THSD7B: variants seen among roughly 807,000 people sequenced by gnomAD.
THSD7B encodes thrombospondin type-1 domain-containing protein 7B.
THSD7B carries 138 observed loss-of-function variants against 213.6 expected under a neutral mutation model. The observed-to-expected ratio is 0.65, with a 90% CI of 0.56 to 0.74. The LOEUF (loss-of-function observed/expected upper bound fraction) is 0.74. Ranked by LOEUF, THSD7B falls within the 30% of genes least tolerant of loss-of-function variation. The probability of loss-of-function intolerance (pLI) is 0.00; values close to 1 mark genes in which losing one functional copy is unlikely to be tolerated. For missense variants in THSD7B, 1,931 were observed against 1,991.5 expected (o/e 0.97, Z 0.58); for synonymous variants, 742 against 687.0 (o/e 1.08, Z -1.25).
At position 137,397,231 on chromosome 2, in the gene THSD7B, T is replaced by G. The variant is rs538621696; in HGVS notation, c.2501-8382T>G. On this transcript the variant is annotated intron_variant, in intron 12 of 27. Coordinates refer to ENST00000409968, the MANE Select transcript of THSD7B (RefSeq NM_001316349.2). ...TATGATGTTAGCTGGTGATTTTGCT[T>G]GTTAGTTGATGCAGTTTCTTCCTAG... Among the ~76,000 whole-genome samples, 97 of 152,110 alleles carry G rather than the reference T, an allele frequency of 6.4e-4. 1 individual carries two copies. The East Asian group carries it at 0.017, about 27-fold the overall frequency.
At chr2:137,230,935 C>G in intron 7 of THSD7B, 109 bp from the exon 8 acceptor site, 1 of 1,087,554 alleles carries the variant, frequency 9.2e-7, no homozygotes, top group South Asian at 1.9e-5. Context: ...TTGTGAATGG[C>G]TGAAGAAACT....
At chr2:137,330,752 G>T (rs1181534705) in intron 12 of THSD7B, among the ~76,000 whole-genome samples, 1 of 152,078 alleles carries the variant, frequency 6.6e-6, no homozygotes, top group African/African-American at 2.4e-5. Context: ...AAGATTTATT[G>T]CAAAGAGCGA....
intron 17 of THSD7B, among the ~76,000 whole-genome samples, chr2:137,576,241 G>T (rs1019403206): frequency 6.6e-6 from 1 of 152,026 alleles, no homozygotes; most frequent in African/African-American, 2.4e-5. Flanking sequence ...ATATTGATAG[G>T]ACAAGTGTAT....
chr2:136,915,403 C>T (rs1186984745), intron 2 of THSD7B, among the ~76,000 whole-genome samples: 1 of 152,134 alleles, frequency 6.6e-6, no homozygotes, highest in African/African-American at 2.4e-5. Flanking sequence ...GTGATAGTGG[C>T]AGGCAATATA....
intron 12 of THSD7B, among the ~76,000 whole-genome samples, chr2:137,340,885 A>G (rs1411565896): frequency 3.3e-5 from 5 of 151,626 alleles, no homozygotes. Flanking sequence ...TGCAATGAAC[A>G]TGGGAGTGTG....
intron 17 of THSD7B, among the ~76,000 whole-genome samples, chr2:137,596,483 G>A (rs535920527): frequency 1.3e-5 from 2 of 152,052 alleles, no homozygotes; most frequent in African/African-American, 4.8e-5. Context: ...TATCATCATG[G>A]TTAAGCATAC....
intron 1 of THSD7B, among the ~76,000 whole-genome samples, chr2:136,838,751 C>A (rs1248126380): frequency 6.6e-6 from 1 of 152,176 alleles, no homozygotes; most frequent in Admixed American, 6.5e-5. Context: ...GAGGGTCTGG[C>A]ACTGTACTTG....
At chr2:137,555,393 G>T (rs1199400211) in intron 15 of THSD7B, among the ~76,000 whole-genome samples, 1 of 152,184 alleles carries the variant, frequency 6.6e-6, no homozygotes, top group African/African-American at 2.4e-5. Flanking sequence ...AGCAACATTC[G>T]CTGTTCTGCA....
intron 12 of THSD7B, among the ~76,000 whole-genome samples, chr2:137,283,336 C>G (rs535949001): frequency 6.6e-6 from 1 of 152,136 alleles, no homozygotes; most frequent in East Asian, 1.9e-4. Context: ...GTTATACAAT[C>G]GTGTCATCTG....
Position 137,668,209 on chromosome 2 carries a change from A to G in THSD7B, c.4739+348A>G, listed in dbSNP as rs138131599. ...CAGAGGTTCTGATTTAATTAGTCTT[A>G]GGTGTGGCCAGGTCATCTGGGTGTT... On this transcript the variant is annotated intron_variant, in intron 27 of 27. Coordinates refer to ENST00000409968, the MANE Select transcript of THSD7B (RefSeq NM_001316349.2). 6.3e-3 allele frequency among the ~76,000 whole-genome samples: 962 copies of G among 152,220 alleles called. 10 individuals carry two copies. Among genetic ancestry groups the G allele is most frequent in the African/African-American group, 0.022 (920 of 41,536 alleles).
chr2:136,936,529 A>T (rs531743136), intron 2 of THSD7B, among the ~76,000 whole-genome samples: 14 of 152,320 alleles, frequency 9.2e-5, no homozygotes, highest in Admixed American at 3.3e-4. Flanking sequence ...CACAACCTGG[A>T]TGGGATTGGA....
intron 12 of THSD7B, among the ~76,000 whole-genome samples, chr2:137,329,645 AT>A (rs1684449770): frequency 6.6e-6 from 1 of 152,188 alleles, no homozygotes; most frequent in Non-Finnish European, 1.5e-5. Flanking sequence ...GATTATAGGC[AT>A]GAGCCACTGC....
chr2:137,594,555 G>T (rs1681924947), intron 17 of THSD7B, among the ~76,000 whole-genome samples: 1 of 151,926 alleles, frequency 6.6e-6, no homozygotes. Context: ...TAGACTGTCA[G>T]TTTTATTCCA....
chr2:136,944,533 C>A (rs555980100), intron 2 of THSD7B, among the ~76,000 whole-genome samples: 48 of 152,202 alleles, frequency 3.2e-4, no homozygotes, highest in African/African-American at 8.9e-4. Flanking sequence ...CTTTATAGGT[C>A]TCTAAGGACT....
At chr2:137,148,277 C>T (rs990820739) in intron 5 of THSD7B, among the ~76,000 whole-genome samples, 2 of 152,138 alleles carry the variant, frequency 1.3e-5, no homozygotes, top group African/African-American at 4.8e-5. Flanking sequence ...GAGGCCTCCC[C>T]AGCCCTGCGA....
chr2:136,818,521 G>C (rs778201), intron 1 of THSD7B, among the ~76,000 whole-genome samples: 32,681 of 151,094 alleles, frequency 0.22, 3,694 homozygotes, highest in Middle Eastern at 0.41. Flanking sequence ...ACAATGTGCA[G>C]ATGTACCCTA....
chr2:137,648,679 A>G (rs1272940655), intron 21 of THSD7B, among the ~76,000 whole-genome samples: 1 of 152,190 alleles, frequency 6.6e-6, no homozygotes, highest in African/African-American at 2.4e-5. Flanking sequence ...ATTGTGCTGC[A>G]ATAAACATGG....
At chr2:136,823,278 T>G (rs2104939639) in intron 1 of THSD7B, among the ~76,000 whole-genome samples, 1 of 152,314 alleles carries the variant, frequency 6.6e-6, no homozygotes, top group South Asian at 2.1e-4. Flanking sequence ...TGTGGGCCAT[T>G]AAAGTTCTGA....
chr2:137,595,017 G>A (rs1681933166), intron 17 of THSD7B, among the ~76,000 whole-genome samples: 1 of 151,876 alleles, frequency 6.6e-6, no homozygotes, highest in Non-Finnish European at 1.5e-5. Flanking sequence ...GGTTGCAACT[G>A]TACAGATATG....
Sources: allele counts gnomAD v4.1 joint callset (sites outside exome capture counted in the v4.1 genomes callset), GRCh38; gene constraint gnomAD v4.1.1; transcripts MANE v1.5; gene names NCBI Gene and HGNC (gene_info 2026-07-23, HGNC 2026-07-21).